Variants in GMNC observed in about 807,000 individuals in gnomAD.
The protein encoded by GMNC is geminin coiled-coil domain-containing protein 1.
In GMNC, 16 loss-of-function variants were observed where a neutral mutation model predicts 33.6. The ratio of observed to expected loss-of-function variants is 0.48; its 90% CI spans 0.32 to 0.72. The LOEUF (loss-of-function observed/expected upper bound fraction) is 0.72. Among genes scored for constraint, GMNC ranks in the 30% least tolerant of loss-of-function variants. The pLI is 0.03. For synonymous variants in GMNC, 156 were observed against 147.3 expected, an observed-to-expected ratio of 1.06 and a Z score of -0.43; for missense variants, 393 against 388.9, an observed-to-expected ratio of 1.01 and a Z score of -0.09.
downstream of GMNC, among the ~76,000 whole-genome samples, chr3:190,851,107 C>T (rs868344849): frequency 2.0e-5 from 3 of 152,182 alleles, no homozygotes; most frequent in Non-Finnish European, 2.9e-5. Flanking sequence ...ATTAATCCTT[C>T]CCTGAGGAAA....
chr3:190,852,208 T>C (rs368955933), downstream of GMNC, among the ~76,000 whole-genome samples: 1 of 152,136 alleles, frequency 6.6e-6, no homozygotes, highest in Non-Finnish European at 1.5e-5. Flanking sequence ...CTGGATATAT[T>C]AACGCTATAC....
downstream of GMNC, among the ~76,000 whole-genome samples, chr3:190,851,768 TA>T (rs994964255): frequency 2.6e-5 from 4 of 152,086 alleles, no homozygotes; most frequent in Admixed American, 2.6e-4. Context: ...CTCCATTCGC[TA>T]AAAAATGTTT....
In GMNC at chr3:190,860,832, C is replaced by G. The variant is rs1205944660; in HGVS notation, c.30G>C (p.Gln10His). The G allele has an allele frequency of 6.4e-7, 1 of 1,550,408 alleles. No homozygotes were observed. The highest frequency in any genetic ancestry group is 2.0e-5 in the Admixed American group (1 of 50,948). MNTILPCQD[Q>H]YFVGGQSYNC... Reference sequence around the variant, plus strand: ...TATAGCTCTGGCCTCCTACAAAGTACTGGTCTTGGCAAGGCAGAATGGTGT... The same window carrying G: ...TATAGCTCTGGCCTCCTACAAAGTAGTGGTCTTGGCAAGGCAGAATGGTGT... Residue 10 changes from glutamine to histidine, a missense_variant, in exon 2 of 5, where the codon CAG (glutamine) becomes CAC (histidine). Coordinates refer to ENST00000442080, the MANE Select transcript of GMNC (RefSeq NM_001146686.3).
At position 190,853,941 on chromosome 3, in the gene GMNC, C is replaced by T. The variant is rs1231097108; in HGVS notation, c.*1354G>A. The T allele has an allele frequency of 4.6e-5, 7 of 152,136 alleles. No homozygotes were observed. Among genetic ancestry groups the T allele is most frequent in the Admixed American group, 4.6e-4 (7 of 15,276 alleles). 9.4% of individuals were successfully genotyped at this position (152,136 alleles called of 1,614,324 possible). ...TATCTATTTTTAGAGGCAAATTATT[C>T]TTACACAGTTACGCCGAGTTAACTG... On this transcript the variant is annotated 3_prime_UTR_variant, in exon 5 of 5. Coordinates refer to ENST00000442080, the MANE Select transcript of GMNC (RefSeq NM_001146686.3).
chr3:190,860,210 G>C (rs1737831424), intron 2 of GMNC, among the ~76,000 whole-genome samples: 1 of 152,122 alleles, frequency 6.6e-6, no homozygotes, highest in Non-Finnish European at 1.5e-5. Context: ...GAAGCTTTTT[G>C]TGTGTGTAAA....
chr3:190,849,243 A>G (rs1193611034), downstream of GMNC, among the ~76,000 whole-genome samples: 1 of 152,204 alleles, frequency 6.6e-6, no homozygotes, highest in Non-Finnish European at 1.5e-5. Flanking sequence ...TTCTGGCAAT[A>G]TGGTGCTCTA....
chr3:190,857,748 T>C (rs1169440469), intron 4 of GMNC, 35 bp downstream of exon 4: 1 of 1,043,294 alleles, frequency 9.6e-7, no homozygotes, highest in East Asian at 2.6e-5. Flanking sequence ...ATCACTGCTT[T>C]GTTCTTATAA....
rs1737715963 is a variant in GMNC, at chr3:190,855,611, G to A, written c.689C>T (p.Ala230Val). ...ASTFSQFPDD[A>V]VDYKNIPRED... The stretch of plus-strand genomic sequence containing the variant: ...TCTGGGGATATTTTTATAATCAACT[G>A]CATCATCCGGAAACTGGGAAAATGT... The change falls in exon 5 of 5, where the codon GCA becomes GTA. Residue 230 changes from alanine (A) to valine (V), a missense_variant. By Grantham distance (64) the Ala-to-Val change is moderately conservative. Coordinates refer to ENST00000442080, the MANE Select transcript of GMNC (RefSeq NM_001146686.3). 6.4e-7 allele frequency: 1 copy of A among 1,551,420 alleles called. No homozygotes were observed. Among genetic ancestry groups the A allele is most frequent in the African/African-American group, 1.4e-5 (1 of 73,002 alleles).
chr3:190,858,346 T>A (rs1737792401), intron 3 of GMNC, among the ~76,000 whole-genome samples: 1 of 152,088 alleles, frequency 6.6e-6, no homozygotes, highest in African/African-American at 2.4e-5. Context: ...AAATTAAATA[T>A]AGAAAATGAT....
At position 190,854,329 on chromosome 3, in the gene GMNC, T is replaced by G. The variant is rs1278163566; in HGVS notation, c.*966A>C. ...CACAGTGTCTAAATTGCTTGTATTT[T>G]ATCACCATCACATAGCATAGTGCCT... On this transcript the variant is annotated 3_prime_UTR_variant, in exon 5 of 5. Transcript: ENST00000442080. 1.3e-5 allele frequency: 2 copies of G among 152,226 alleles called. No individual in the cohort carries two copies. Among genetic ancestry groups the G allele is most frequent in the African/African-American group, 4.8e-5 (2 of 41,466 alleles). 9.4% of individuals were successfully genotyped at this position (152,226 alleles called of 1,614,324 possible).
At chr3:190,845,508 C>T in the GMNC span, among the ~76,000 whole-genome samples, 1,169 of 125,786 alleles carry the variant, frequency 9.3e-3, 23 homozygotes, top group African/African-American at 0.034. Context: ...ATTTTGAAAC[C>T]TTTTTTTTTT....
At chr3:190,847,849 C>T (rs1375783764), downstream of GMNC, among the ~76,000 whole-genome samples, 1 of 152,112 alleles carries the variant, frequency 6.6e-6, no homozygotes, top group Non-Finnish European at 1.5e-5. Context: ...CATATACTCT[C>T]CCTAGTCCTC....
chr3:190,844,440 A>C, the GMNC span, among the ~76,000 whole-genome samples: 1 of 151,460 alleles, frequency 6.6e-6, no homozygotes, highest in African/African-American at 2.4e-5. Flanking sequence ...TAAATAATTT[A>C]ATACATATTT....
intron 4 of GMNC, 81 bp downstream of exon 4, chr3:190,857,702 A>G: frequency 1.4e-6 from 1 of 734,892 alleles, no homozygotes; most frequent in South Asian, 1.6e-5. Flanking sequence ...ACACTGTTTA[A>G]TCAAGGAGTT....
downstream of GMNC, among the ~76,000 whole-genome samples, chr3:190,849,005 C>A (rs896086211): frequency 8.5e-5 from 13 of 152,118 alleles, no homozygotes; most frequent in African/African-American, 2.7e-4. Flanking sequence ...ATTTCCAGGT[C>A]ATTGAAAGGA....
At chr3:190,850,067 C>A (rs1737609752), downstream of GMNC, among the ~76,000 whole-genome samples, 1 of 152,006 alleles carries the variant, frequency 6.6e-6, no homozygotes, top group South Asian at 2.1e-4. Flanking sequence ...CCATGATAGC[C>A]CGCTTTTCCA....
intron 2 of GMNC, 41 bp from the exon 3 acceptor site, chr3:190,859,057 A>G: frequency 1.6e-6 from 2 of 1,213,958 alleles, no homozygotes; most frequent in Non-Finnish European, 2.4e-6. Context: ...ATAATCTTGT[A>G]GTTTCTGTGT....
downstream of GMNC, among the ~76,000 whole-genome samples, chr3:190,852,094 T>G (rs553826237): frequency 3.0e-4 from 46 of 152,202 alleles, no homozygotes; most frequent in Non-Finnish European, 6.0e-4. Flanking sequence ...AATATCAGAA[T>G]TTAATATTTA....
chr3:190,846,193 A>G, the GMNC span, among the ~76,000 whole-genome samples: 1 of 152,136 alleles, frequency 6.6e-6, no homozygotes, highest in African/African-American at 2.4e-5. Flanking sequence ...GCATCACTGC[A>G]CTCCAACCTG....
Sources: allele counts gnomAD v4.1 joint callset (sites outside exome capture counted in the v4.1 genomes callset), GRCh38; gene constraint gnomAD v4.1.1; transcripts MANE v1.5; gene names NCBI Gene and HGNC (gene_info 2026-07-23, HGNC 2026-07-21).